The following SPRY2 variants were observed in gnomAD, a reference collection of about 807,000 sequenced individuals.
The protein encoded by SPRY2 is sprouty RTK signaling antagonist 2, also known as protein sprouty homolog 2.
A neutral mutation model predicts 23.4 loss-of-function variants in SPRY2; 10 were observed. The ratio of observed to expected loss-of-function variants is 0.43; its 90% confidence interval spans 0.26 to 0.73. The LOEUF (loss-of-function observed/expected upper bound fraction) is 0.73. Among genes scored for constraint, SPRY2 ranks in the 30% least tolerant of loss-of-function variants. The probability of loss-of-function intolerance (pLI) is 0.22; values close to 1 mark genes in which losing one functional copy is unlikely to be tolerated. For missense variants in SPRY2, 344 were observed against 396.9 expected (o/e 0.87, Z 1.13); for synonymous variants, 170 against 156.9 (o/e 1.08, Z -0.62).
At position 80,336,762 on chromosome 13, in the gene SPRY2, G is replaced by A. The variant is rs1880279066; in HGVS notation, c.944C>T (p.Thr315Ile). The change falls in exon 2 of 2, where the codon ACA becomes ATA. Residue 315 changes from threonine (T) to isoleucine (I), a missense_variant. By Grantham distance (89) the Thr-to-Ile change is moderately conservative (BLOSUM62 -1). Transcript: ENST00000377104. ...TAATATTCCTGATTAATGATGCTAT[G>A]TTGGTTTTTCAAAGTTCCTAGGGGG... Reference protein sequence around the residue: ...TVPPRNFEKPT With the variant: ...TVPPRNFEKPI The A allele has an allele frequency of 1.2e-6, 2 of 1,613,870 alleles. No individual in the cohort carries two copies. Among genetic ancestry groups the A allele is most frequent in the Middle Eastern group, 1.6e-4 (1 of 6,062 alleles).
At chr13:80,337,826 A>T in intron 1 of SPRY2, 70 bp from the exon 2 acceptor site, 1 of 868,056 alleles carries the variant, frequency 1.2e-6, no homozygotes, top group Non-Finnish European at 1.9e-6. Context: ...ACCTGAATTG[A>T]CTCCTCACTT....
rs1489946184 is a variant in SPRY2 at position 80,340,792 on chromosome 13, C to A, written c.-222G>T. On this transcript the variant is annotated 5_prime_UTR_variant, in exon 1 of 2. Transcript: ENST00000377104. ...AAAGAGAATTCGGAGCCAGATTCCC[C>A]GCTGATGAACACTCCGGGGTTCGGA... The A allele has an allele frequency of 6.6e-6, 1 of 152,284 alleles. No homozygotes were observed. Among genetic ancestry groups the A allele is most frequent in the African/African-American group, 2.4e-5 (1 of 41,480 alleles). 9.4% of individuals were successfully genotyped at this position (152,284 alleles called of 1,614,324 possible).
chr13:80,336,914 A>G lies in SPRY2; in HGVS notation c.792T>C (p.Pro264=), dbSNP rs1445490292. Residue 264 remains proline, a synonymous_variant, in exon 2 of 2, where the codon CCT becomes CCC. Coordinates refer to ENST00000377104, the MANE Select transcript of SPRY2 (RefSeq NM_005842.4). The stretch of plus-strand genomic sequence containing the variant: ...TGGCTGGAAGGTAACACCATAAACA[A>G]GGCAAAAAGAGGGACATGACACCCA... ...SAMGVMSLFL[P]CLWCYLPAKG... 6.2e-7 allele frequency: 1 copy of G among 1,614,182 alleles called. No homozygotes were observed. The highest frequency in any genetic ancestry group is 8.5e-7 in the Non-Finnish European group (1 of 1,180,036).
chr13:80,338,160 A>G (rs530385519), intron 1 of SPRY2, among the ~76,000 whole-genome samples: 1 of 152,306 alleles, frequency 6.6e-6, no homozygotes, highest in African/African-American at 2.4e-5. Context: ...TGTCATAGTC[A>G]TTTTTGCCTT....
intron 1 of SPRY2, among the ~76,000 whole-genome samples, chr13:80,338,406 A>T (rs1197321487): frequency 6.6e-6 from 1 of 152,218 alleles, no homozygotes; most frequent in Non-Finnish European, 1.5e-5. Context: ...ATTAGGTGCC[A>T]GAAACACATT....
rs1349891029 is a variant in SPRY2, at chr13:80,337,531, G to A, written c.175C>T (p.Pro59Ser). 2.5e-6 allele frequency: 4 copies of A among 1,614,042 alleles called. No individual in the cohort carries two copies. Among genetic ancestry groups the A allele is most frequent in the Non-Finnish European group, 2.5e-6 (3 of 1,180,046 alleles). The stretch of plus-strand genomic sequence containing the variant: ...AGCCCAGGTCTTGGGACGACAGTAG[G>A]CCCCTCTGTGTACTCATTGGTGTTT... Reference protein sequence around the residue: ...IRNTNEYTEGPTVVPRPGLKP... With the variant: ...IRNTNEYTEGSTVVPRPGLKP... The change falls in exon 2 of 2, where the codon CCT becomes TCT. Residue 59 changes from proline (P) to serine (S), a missense_variant. By Grantham distance (74) the Pro-to-Ser change is moderately conservative. Coordinates refer to ENST00000377104, the MANE Select transcript of SPRY2 (RefSeq NM_005842.4).
intron 1 of SPRY2, 67 bp from the exon 2 acceptor site, chr13:80,337,823 T>C (rs1880343724): frequency 3.3e-6 from 3 of 902,338 alleles, no homozygotes; most frequent in Admixed American, 2.0e-5. Context: ...CCCACCTGAA[T>C]TGACTCCTCA....
At chr13:80,337,994 G>A (rs1026283131) in intron 1 of SPRY2, among the ~76,000 whole-genome samples, 4 of 152,154 alleles carry the variant, frequency 2.6e-5, no homozygotes, top group African/African-American at 9.7e-5. Flanking sequence ...TGATCTTTGA[G>A]TCACTTAAGT....
At chr13:80,337,846 C>T (rs558245961) in intron 1 of SPRY2, 90 bp from the exon 2 acceptor site, 1 of 767,394 alleles carries the variant, frequency 1.3e-6, no homozygotes, top group Non-Finnish European at 2.2e-6. Flanking sequence ...TCCCACTTTC[C>T]CTAGAGAAAC....
chr13:80,340,346 C>A (rs1880464990), intron 1 of SPRY2, among the ~76,000 whole-genome samples: 1 of 152,280 alleles, frequency 6.6e-6, no homozygotes, highest in South Asian at 2.1e-4. Context: ...AGCTGTCCTC[C>A]GTCCCAACCC....
Position 80,336,678 on chromosome 13 carries a change from A to G in SPRY2, c.*80T>C. The G allele has an allele frequency of 7.4e-7, 1 of 1,347,046 alleles. No individual in the cohort carries two copies. The highest frequency in any genetic ancestry group is 1.0e-6 in the Non-Finnish European group (1 of 961,908). The allele number at this position is 1,347,046 out of a possible 1,614,324, so 83.4% of individuals were successfully genotyped here. On this transcript the variant is annotated 3_prime_UTR_variant, in exon 2 of 2. Transcript: ENST00000377104. The stretch of plus-strand genomic sequence containing the variant: ...TTTCTATTAACAGTGCCAAGATTAT[A>G]ACTGTTTAGTTGGTTGCATATGTGT...
Position 80,336,038 on chromosome 13 carries a change from A to C in SPRY2, c.*720T>G, listed in dbSNP as rs1474962192. The C allele has an allele frequency of 6.6e-6, 1 of 152,224 alleles. No individual in the cohort carries two copies. The highest frequency in any genetic ancestry group is 1.5e-5 in the Non-Finnish European group (1 of 68,054). 9.4% of individuals were successfully genotyped at this position (152,224 alleles called of 1,614,324 possible). A position where few individuals can be genotyped will look rare whatever the true frequency, so the allele number is the denominator to read the frequency against. Reference sequence around the variant, plus strand: ...TGGACATATGCATCTGTAACCCCTCATTTGCAGCAACTATCACATCCTCAT... The same window carrying C: ...TGGACATATGCATCTGTAACCCCTCCTTTGCAGCAACTATCACATCCTCAT... On this transcript the variant is annotated 3_prime_UTR_variant, in exon 2 of 2. Coordinates refer to ENST00000377104, the MANE Select transcript of SPRY2 (RefSeq NM_005842.4).
In SPRY2 at chr13:80,336,441, T is replaced by G; in HGVS notation, c.*317A>C. On this transcript the variant is annotated 3_prime_UTR_variant, in exon 2 of 2. Transcript: ENST00000377104. ...CTCTGGAGAAAACAATGGAAAAAAG[T>G]CATCTGCTAATTTACAAGTTTTGCA... The G allele has an allele frequency of 2.5e-6, 1 of 397,692 alleles. No individual in the cohort carries two copies. Among genetic ancestry groups the G allele is most frequent in the Non-Finnish European group, 4.6e-6 (1 of 215,934 alleles). The allele number at this position is 397,692 out of a possible 1,614,324, so 24.6% of individuals were successfully genotyped here.
rs1452884347 is a variant in SPRY2 at position 80,336,963 on chromosome 13, T to G, written c.743A>C (p.His248Pro). The G allele has an allele frequency of 1.2e-6, 2 of 1,614,206 alleles. No individual in the cohort carries two copies. The highest frequency in any genetic ancestry group is 1.3e-5 in the African/African-American group (1 of 75,062). ...ADNPCSCSQS[H>P]CCTRWSAMGV... is the part of the protein sequence containing the mutation. ...CATGGCTGACCATCGTGTACAACAGTGAGACTGGCTGCAAGAACATGGGTT... is the reference window on the plus strand; with the variant it reads ...CATGGCTGACCATCGTGTACAACAGGGAGACTGGCTGCAAGAACATGGGTT... The change falls in exon 2 of 2, where the codon CAC becomes CCC. Residue 248 changes from histidine (H) to proline (P), a missense_variant. His to Pro is a moderately conservative substitution (Grantham distance 77, BLOSUM62 -2). Coordinates refer to ENST00000377104, the MANE Select transcript of SPRY2 (RefSeq NM_005842.4).
Position 80,337,220 on chromosome 13 carries a change from C to T in SPRY2, c.486G>A (p.Glu162=). ...AATCTTCCTTGCTCAGTGGCTTAAG[C>T]TCACCTGGCTTGAGCTCAGATTTGG... ...VQPKSELKPG[E]LKPLSKEDLG... The change falls in exon 2 of 2, where the codon GAG becomes GAA. Residue 162 remains glutamate (E), a synonymous_variant. Coordinates refer to ENST00000377104, the MANE Select transcript of SPRY2 (RefSeq NM_005842.4). 1 of 1,611,712 alleles carries T rather than the reference C, an allele frequency of 6.2e-7. No homozygotes were observed. The highest frequency in any genetic ancestry group is 8.5e-7 in the Non-Finnish European group (1 of 1,177,910).
At chr13:80,340,024 G>C (rs1278814842) in intron 1 of SPRY2, among the ~76,000 whole-genome samples, 1 of 152,152 alleles carries the variant, frequency 6.6e-6, no homozygotes, top group African/African-American at 2.4e-5. Context: ...GCAGGGCGAC[G>C]CTCCCACCCG....
In SPRY2 at chr13:80,336,940, T is replaced by A. The variant is rs1335539836; in HGVS notation, c.766A>T (p.Met256Leu). The change falls in exon 2 of 2, where the codon ATG becomes TTG. Residue 256 changes from methionine to leucine, a missense_variant. Physicochemically the swap from Met to Leu is conservative, Grantham distance 15 (BLOSUM62 2). Coordinates refer to ENST00000377104, the MANE Select transcript of SPRY2 (RefSeq NM_005842.4). ...QSHCCTRWSA[M>L]GVMSLFLPCL... is the part of the protein sequence containing the mutation. ...GGCAAAAAGAGGGACATGACACCCA[T>A]GGCTGACCATCGTGTACAACAGTGA... 1.2e-6 allele frequency: 2 copies of A among 1,614,074 alleles called. No individual in the cohort carries two copies. Among genetic ancestry groups the A allele is most frequent in the African/African-American group, 2.7e-5 (2 of 74,932 alleles).
chr13:80,339,329 G>C (rs1412913544), intron 1 of SPRY2: 1 of 152,154 alleles, frequency 6.6e-6, no homozygotes, highest in East Asian at 1.9e-4. Flanking sequence ...ACTGACCGAA[G>C]GGGGCATTGC....
At position 80,336,551 on chromosome 13, in the gene SPRY2, C is replaced by A; in HGVS notation, c.*207G>T. The A allele has an allele frequency of 1.6e-6, 1 of 641,140 alleles. No homozygotes were observed. The highest frequency in any genetic ancestry group is 2.7e-6 in the Non-Finnish European group (1 of 369,068). 39.7% of individuals were successfully genotyped at this position (641,140 alleles called of 1,614,324 possible). A position where few individuals can be genotyped will look rare whatever the true frequency, so the allele number is the denominator to read the frequency against. ...ATACATGGGTCACCAAGTTCTGTAT[C>A]TCATACTTTGAGCTCCATTAGCTGA... On this transcript the variant is annotated 3_prime_UTR_variant, in exon 2 of 2. Transcript: ENST00000377104.
Sources: allele counts gnomAD v4.1 joint callset (sites outside exome capture counted in the v4.1 genomes callset), GRCh38; gene constraint gnomAD v4.1.1; transcripts MANE v1.5; gene names NCBI Gene and HGNC (gene_info 2026-07-23, HGNC 2026-07-21).